Variants in ARAP1 observed in about 807,000 individuals in gnomAD.
The protein encoded by ARAP1 is ArfGAP with RhoGAP domain, ankyrin repeat and PH domain 1.
In ARAP1, 76 loss-of-function variants were observed where a neutral mutation model predicts 172.2. That is an observed-to-expected ratio of 0.44 (90% CI 0.37 to 0.53). ARAP1 has a LOEUF of 0.53. Among genes scored for constraint, ARAP1 ranks in the 20% least tolerant of loss-of-function variants. The pLI, the probability that ARAP1 is intolerant of heterozygous loss-of-function variation, is 0.00. For missense variants in ARAP1, 1,686 were observed against 1,977.5 expected, an observed-to-expected ratio of 0.85 and a Z score of 2.80; for synonymous variants, 804 against 803.3, an observed-to-expected ratio of 1.00 and a Z score of -0.01.
At chr11:72,688,762 C>G (rs1409450122) in intron 30 of ARAP1, 3 of 525,394 alleles carry the variant, frequency 5.7e-6, no homozygotes, top group Non-Finnish European at 1.0e-5. Flanking sequence ...GCAGCAGTAT[C>G]AGACAGTCAA....
At chr11:72,722,959 G>A (rs1857574267) in intron 3 of ARAP1, among the ~76,000 whole-genome samples, 1 of 152,104 alleles carries the variant, frequency 6.6e-6, no homozygotes, top group Non-Finnish European at 1.5e-5. Context: ...GTGACTCTGG[G>A]CAAGTTTCTC....
At position 72,710,928 on chromosome 11, in the gene ARAP1, G is replaced by T; in HGVS notation, c.1213+93C>A. 6.3e-7 allele frequency: 1 copy of T among 1,582,722 alleles called. No homozygotes were observed. Among genetic ancestry groups the T allele is most frequent in the Non-Finnish European group, 8.6e-7 (1 of 1,161,450 alleles). ...TCCCCGGATGTGATGTGAGAGGGCA[G>T]ATGCACCATGACTCTCTTCCCCCTC... On this transcript the variant is annotated intron_variant, in intron 9 of 34. Transcript: ENST00000393609. The surrounding 1 kb of genome is among the most constrained non-coding windows in gnomAD (Gnocchi z 4.3).
chr11:72,748,747 T>C (rs968146904), intron 1 of ARAP1, among the ~76,000 whole-genome samples: 3 of 152,210 alleles, frequency 2.0e-5, no homozygotes, highest in African/African-American at 7.2e-5. Flanking sequence ...TGGGGTCATC[T>C]GCCTCCAGGT....
chr11:72,745,447 G>A (rs1405076103), intron 1 of ARAP1, among the ~76,000 whole-genome samples: 3 of 146,422 alleles, frequency 2.0e-5, no homozygotes, highest in South Asian at 4.3e-4. Context: ...CTTGTGATCC[G>A]CCCGCGTCGG....
chr11:72,712,384 G>A (rs758832629), intron 6 of ARAP1, 45 bp from the exon 7 acceptor site: 1 of 1,542,386 alleles, frequency 6.5e-7, no homozygotes, highest in Non-Finnish European at 8.8e-7. Flanking sequence ...AGGAGGCAAG[G>A]AGGGGGCGGG....
chr11:72,751,199 C>G (rs568561344), intron 1 of ARAP1, among the ~76,000 whole-genome samples: 9 of 152,168 alleles, frequency 5.9e-5, no homozygotes, highest in Middle Eastern at 3.4e-3. Context: ...TCCCCAGGCC[C>G]AGTCCTGACA....
Position 72,710,545 on chromosome 11 carries a change from G to T in ARAP1, c.1256C>A (p.Ala419Asp). Residue 419 changes from alanine (A) to aspartate (D), a missense_variant, in exon 10 of 35, where the codon GCT (alanine) becomes GAT (aspartate). Physicochemically the swap from Ala to Asp is moderately radical, Grantham distance 126. This residue lies in a region of ARAP1 where 688 missense variants were observed against 856.9 expected (regional missense o/e 0.80). Transcript: ENST00000393609. This position sits in a 1 kb window ranked among gnomAD's most constrained non-coding sequence, Gnocchi z 4.3. ...EWMQALQQAM[A>D]EQRARARLSS... The stretch of plus-strand genomic sequence containing the variant: ...GAGCCGGGCCCGGGCACGCTGCTCA[G>T]CCATGGCCTGCTGCAGGGCCTGCAT... 1 of 1,611,792 alleles carries T rather than the reference G, an allele frequency of 6.2e-7. No individual in the cohort carries two copies. The highest frequency in any genetic ancestry group is 2.2e-5 in the East Asian group (1 of 44,872).
chr11:72,697,691 T>C lies in ARAP1; in HGVS notation c.2738-42A>G, dbSNP rs368102881. ...CAAGGTGAGGCCCAGGTCTTGCTCCTGATCCCCAACCTGCTCCCTCCCTCT... is the reference window on the plus strand; with the variant it reads ...CAAGGTGAGGCCCAGGTCTTGCTCCCGATCCCCAACCTGCTCCCTCCCTCT... On this transcript the variant is annotated intron_variant, in intron 19 of 34. Coordinates refer to ENST00000393609, the MANE Select transcript of ARAP1 (RefSeq NM_001040118.3). 210 of 1,611,528 alleles carry C rather than the reference T, an allele frequency of 1.3e-4. 1 individual carries two copies. Among genetic ancestry groups the C allele is most frequent in the Middle Eastern group, 8.3e-4 (5 of 6,040 alleles).
In ARAP1 at chr11:72,710,269, G is replaced by T. The variant is rs1856954999; in HGVS notation, c.1416+116C>A. On this transcript the variant is annotated intron_variant, in intron 10 of 34. Transcript: ENST00000393609. The surrounding 1 kb of genome is among the most constrained non-coding windows in gnomAD (Gnocchi z 4.3). ...GGAGCGAGGACATATCCAGGCAAAG[G>T]GCTGGGCCCAGTGCAGGAAAAGAGG... 1.5e-6 allele frequency: 2 copies of T among 1,314,732 alleles called. No individual in the cohort carries two copies. Among genetic ancestry groups the T allele is most frequent in the East Asian group, 2.3e-5 (1 of 43,188 alleles). The allele number at this position is 1,314,732 out of a possible 1,614,324, so 81.4% of individuals were successfully genotyped here.
At chr11:72,685,835 G>A in intron 34 of ARAP1, 154 bp from the exon 35 acceptor site, 1 of 1,339,094 alleles carries the variant, frequency 7.5e-7, no homozygotes, top group Non-Finnish European at 1.1e-6. Flanking sequence ...CAGGCAGAGG[G>A]GACTCCCAGC....
At chr11:72,687,633 G>A in intron 32 of ARAP1, 55 bp downstream of exon 32, 1 of 1,613,240 alleles carries the variant, frequency 6.2e-7, no homozygotes, top group Non-Finnish European at 8.5e-7. Context: ...CAATGAAGGG[G>A]GACGTGCCAC....
Position 72,712,827 on chromosome 11 carries a change from C to A in ARAP1, c.748-259G>T, listed in dbSNP as rs183342539. 5.3e-4 allele frequency: 324 copies of A among 613,270 alleles called. 1 individual carries two copies. In the Admixed American group the frequency reaches 8.5e-3, roughly 16 times the overall value. The allele number at this position is 613,270 out of a possible 1,614,324, so 38.0% of individuals were successfully genotyped here. On this transcript the variant is annotated intron_variant, in intron 5 of 34. Coordinates refer to ENST00000393609, the MANE Select transcript of ARAP1 (RefSeq NM_001040118.3). ...GATAAAGGGACAGAGAAAAAGACTGCGGGCTAGGGATGCAAGACAGACAGA... is the reference window on the plus strand; with the variant it reads ...GATAAAGGGACAGAGAAAAAGACTGAGGGCTAGGGATGCAAGACAGACAGA...
At chr11:72,687,853 C>T in intron 31 of ARAP1, 115 bp from the exon 32 acceptor site, 1 of 1,277,200 alleles carries the variant, frequency 7.8e-7, no homozygotes, top group Admixed American at 1.7e-5. Flanking sequence ...GAGTTCAGAG[C>T]CTTCTCACAA....
rs994172879 is a variant in ARAP1, at chr11:72,695,772, G to A, written c.3366C>T (p.Tyr1122=). ...GGTCTTCCACCACACGGCCAGCCTT[G>A]TAGTCCTGCCCATCTGTCTGGAAGA... The part of the protein sequence containing the change: ...PTLFQTDGQD[Y]KAGRVVEDLI... The change falls in exon 24 of 35, where the codon TAC becomes TAT. Residue 1122 remains tyrosine, a synonymous_variant. Transcript: ENST00000393609. The surrounding 1 kb of genome is among the most constrained non-coding windows in gnomAD (Gnocchi z 4.4). 9.9e-6 allele frequency: 16 copies of A among 1,614,226 alleles called. No homozygotes were observed. Among genetic ancestry groups the A allele is most frequent in the East Asian group, 2.2e-5 (1 of 44,888 alleles).
At chr11:72,713,825 C>T (rs1193606752) in intron 4 of ARAP1, among the ~76,000 whole-genome samples, 5 of 143,704 alleles carry the variant, frequency 3.5e-5, no homozygotes, top group South Asian at 2.2e-4. Flanking sequence ...CCAGCCTGGG[C>T]GACAGAGCGA....
chr11:72,711,345 T>C, intron 8 of ARAP1, 85 bp downstream of exon 8: 5 of 1,534,360 alleles, frequency 3.3e-6, no homozygotes, highest in Non-Finnish European at 3.6e-6. Context: ...CGAGGACTCC[T>C]CTGGGGAGGG....
At chr11:72,721,920 A>C (rs1857528413) in intron 3 of ARAP1, 1 of 986,212 alleles carries the variant, frequency 1.0e-6, no homozygotes. Flanking sequence ...CGTATGCCCA[A>C]GAATGTCGTG....
chr11:72,688,237 G>C (rs1219411668), intron 31 of ARAP1, among the ~76,000 whole-genome samples: 2 of 152,006 alleles, frequency 1.3e-5, no homozygotes, highest in African/African-American at 2.4e-5. Flanking sequence ...CACCTGACTT[G>C]GCTTCCCCAA....
intron 13 of ARAP1, chr11:72,705,396 G>A (rs770861842): frequency 1.8e-5 from 3 of 165,168 alleles, no homozygotes; most frequent in Non-Finnish European, 3.9e-5. Context: ...CATTTACAGG[G>A]TAATCTCAGG....
Sources: allele counts gnomAD v4.1 joint callset (sites outside exome capture counted in the v4.1 genomes callset), GRCh38; gene constraint gnomAD v4.1.1; regional missense constraint gnomAD v4.1.1; non-coding constraint Gnocchi (gnomAD v3.1); transcripts MANE v1.5; gene names NCBI Gene and HGNC (gene_info 2026-07-23, HGNC 2026-07-21).